The following HS2ST1 variants were observed in gnomAD, a reference collection of about 807,000 sequenced individuals.
The protein encoded by HS2ST1 is 2-O-sulfotransferase.
Under a neutral mutation model 42.9 loss-of-function variants are expected in HS2ST1, and 18 were observed. The ratio of observed to expected loss-of-function variants is 0.42; its 90% CI spans 0.29 to 0.62. The LOEUF is 0.62. HS2ST1 is among the 20% of genes least tolerant of loss of function. The pLI is 0.21. For missense variants in HS2ST1, 334 were observed against 433.8 expected, an observed-to-expected ratio of 0.77 and a Z score of 2.04; for synonymous variants, 146 against 152.9, an observed-to-expected ratio of 0.95 and a Z score of 0.33.
At chr1:87,055,702 T>C (rs1319154887) in intron 1 of HS2ST1, among the ~76,000 whole-genome samples, 1 of 152,176 alleles carries the variant, frequency 6.6e-6, no homozygotes, top group African/African-American at 2.4e-5. Context: ...TTCATAATAA[T>C]TCTAAGATGT....
chr1:86,927,496 A>C (rs965234561), intron 1 of HS2ST1, among the ~76,000 whole-genome samples: 1 of 152,210 alleles, frequency 6.6e-6, no homozygotes, highest in African/African-American at 2.4e-5. Flanking sequence ...AGTAATGTCC[A>C]CTTTCCTAAA....
intron 1 of HS2ST1, among the ~76,000 whole-genome samples, chr1:87,029,351 T>A (rs1289331008): frequency 6.6e-6 from 1 of 152,216 alleles, no homozygotes; most frequent in East Asian, 1.9e-4. Flanking sequence ...TATTGTACTG[T>A]TATTCTAAAC....
chr1:87,038,494 A>T (rs139210026), intron 1 of HS2ST1, among the ~76,000 whole-genome samples: 1 of 152,182 alleles, frequency 6.6e-6, no homozygotes, highest in Admixed American at 6.5e-5. Context: ...AAAATTAAGG[A>T]TTATAAAACT....
intron 1 of HS2ST1, among the ~76,000 whole-genome samples, chr1:86,976,639 TTGAA>T (rs1051895359): frequency 5.6e-5 from 8 of 143,146 alleles, no homozygotes; most frequent in South Asian, 2.3e-4. Flanking sequence ...AAGAATTTCT[TTGAA>T]TGAGTCTATT....
At chr1:86,963,304 C>A (rs143776413) in intron 1 of HS2ST1, among the ~76,000 whole-genome samples, 2 of 152,020 alleles carry the variant, frequency 1.3e-5, no homozygotes, top group South Asian at 2.1e-4. Context: ...GAGGATCCTG[C>A]GGCCTACCGC....
chr1:87,018,932 T>C (rs570484541), intron 1 of HS2ST1, among the ~76,000 whole-genome samples: 12 of 152,322 alleles, frequency 7.9e-5, no homozygotes, highest in East Asian at 7.7e-4. Context: ...TTGACTGATA[T>C]ATTGTATGTT....
intron 2 of HS2ST1, among the ~76,000 whole-genome samples, chr1:87,081,929 G>A (rs993224021): frequency 2.7e-5 from 4 of 147,752 alleles, no homozygotes; most frequent in African/African-American, 7.5e-5. Context: ...AGCTGAGATC[G>A]TGTCACTACA....
At chr1:87,012,509 A>G (rs565764912) in intron 1 of HS2ST1, among the ~76,000 whole-genome samples, 1 of 152,322 alleles carries the variant, frequency 6.6e-6, no homozygotes, top group South Asian at 2.1e-4. Flanking sequence ...GTTGCCTCCC[A>G]CTGTGTCCCT....
At chr1:86,939,106 G>T (rs1660714081) in intron 1 of HS2ST1, among the ~76,000 whole-genome samples, 1 of 152,008 alleles carries the variant, frequency 6.6e-6, no homozygotes, top group Non-Finnish European at 1.5e-5. Context: ...GACTTACTGA[G>T]GTTACTTTCA....
chr1:86,957,728 A>C (rs886633766), intron 1 of HS2ST1, among the ~76,000 whole-genome samples: 1 of 152,128 alleles, frequency 6.6e-6, no homozygotes. Flanking sequence ...TGTTGTGAAT[A>C]GTACACAGGT....
chr1:87,021,280 G>A (rs1011612195), intron 1 of HS2ST1, among the ~76,000 whole-genome samples: 12 of 152,096 alleles, frequency 7.9e-5, no homozygotes, highest in African/African-American at 2.4e-4. Context: ...TAAGAAGTAC[G>A]CAGTTTAGAC....
At chr1:86,948,103 A>C (rs1253899716) in intron 1 of HS2ST1, among the ~76,000 whole-genome samples, 1 of 150,432 alleles carries the variant, frequency 6.6e-6, no homozygotes, top group African/African-American at 2.5e-5. Flanking sequence ...CTTTCCATGA[A>C]GACTTCTCAA....
chr1:87,075,803 T>A (rs1651527777), intron 2 of HS2ST1, among the ~76,000 whole-genome samples: 2 of 152,046 alleles, frequency 1.3e-5, no homozygotes, highest in Non-Finnish European at 2.9e-5. Context: ...ATATTTTTAG[T>A]CTGGTATAAA....
At chr1:86,982,749 C>T (rs1172744058) in intron 1 of HS2ST1, among the ~76,000 whole-genome samples, 2 of 152,134 alleles carry the variant, frequency 1.3e-5, no homozygotes, top group East Asian at 3.9e-4. Flanking sequence ...CTCCTGACCT[C>T]GTGATCCTCC....
intron 1 of HS2ST1, among the ~76,000 whole-genome samples, chr1:86,930,337 C>T (rs1460846570): frequency 1.3e-5 from 2 of 151,966 alleles, no homozygotes; most frequent in East Asian, 1.9e-4. Flanking sequence ...TGCATTTTAG[C>T]TATACCTTTA....
intron 1 of HS2ST1, among the ~76,000 whole-genome samples, chr1:86,984,464 A>G (rs1426900477): frequency 6.6e-6 from 1 of 152,236 alleles, no homozygotes; most frequent in Non-Finnish European, 1.5e-5. Flanking sequence ...AGGTCAGGTG[A>G]CTAATTAGAG....
chr1:87,095,368 C>G (rs954067217), intron 4 of HS2ST1, among the ~76,000 whole-genome samples: 3 of 152,140 alleles, frequency 2.0e-5, no homozygotes, highest in Non-Finnish European at 2.9e-5. Flanking sequence ...AAACAGTATT[C>G]AGTTCAGCAC....
Position 86,959,657 on chromosome 1 carries a change from C to T in HS2ST1, c.124+44497C>T, listed in dbSNP as rs552266804. On this transcript the variant is annotated intron_variant, in intron 1 of 6. Transcript: ENST00000370550. ...TGGGTGACAGAGCAAGACTTTGTCT[C>T]CAAAAAAAATAAAAGACTATAGCAG... Among the ~76,000 whole-genome samples, 32 of 151,512 alleles carry T rather than the reference C, an allele frequency of 2.1e-4. No homozygotes were observed. In the South Asian group the frequency reaches 6.7e-3, roughly 32 times the overall value.
At chr1:86,995,047 TA>T (rs1649059321) in intron 1 of HS2ST1, among the ~76,000 whole-genome samples, 1 of 152,174 alleles carries the variant, frequency 6.6e-6, no homozygotes, top group African/African-American at 2.4e-5. Flanking sequence ...TGGAACTTCA[TA>T]AAATTATAGG....
Sources: gnomAD v4.1 joint callset for allele counts (sites outside exome capture counted in the v4.1 genomes callset) on GRCh38, gnomAD v4.1.1 for gene constraint, MANE v1.5 for transcripts, NCBI Gene and HGNC (gene_info 2026-07-23, HGNC 2026-07-21) for gene names.